Variants in AK9 observed in about 807,000 individuals in gnomAD.
AK9 encodes the protein adenylate kinase domain containing 1.
Under a neutral mutation model 239.6 loss-of-function variants are expected in AK9, and 191 were observed. The observed-to-expected ratio is 0.80, with a 90% confidence interval of 0.71 to 0.90. The LOEUF (loss-of-function observed/expected upper bound fraction) is 0.90. Ranked by LOEUF, AK9 falls within the 40% of genes least tolerant of loss-of-function variation. The probability of loss-of-function intolerance (pLI) is 0.00; values close to 1 mark genes in which losing one functional copy is unlikely to be tolerated. For missense variants in AK9, 1,995 were observed against 2,214.7 expected, an observed-to-expected ratio of 0.90 and a Z score of 1.99; for synonymous variants, 689 against 721.0, an observed-to-expected ratio of 0.96 and a Z score of 0.71.
intron 17 of AK9, among the ~76,000 whole-genome samples, chr6:109,607,544 C>A (rs529545760): frequency 6.6e-6 from 1 of 152,008 alleles, no homozygotes; most frequent in Non-Finnish European, 1.5e-5. Flanking sequence ...AGGTTATATG[C>A]AAATGTCATG....
chr6:109,590,987 AT>A (rs1163253412), intron 17 of AK9, among the ~76,000 whole-genome samples: 2 of 152,234 alleles, frequency 1.3e-5, no homozygotes, highest in African/African-American at 2.4e-5. Flanking sequence ...AAGAATGAAT[AT>A]TCTACAGGTG....
At chr6:109,497,719 T>C (rs888558889) in intron 37 of AK9, 77 bp downstream of exon 37, 8 of 1,510,936 alleles carry the variant, frequency 5.3e-6, no homozygotes, top group South Asian at 3.7e-5. Context: ...TTTTGACCAA[T>C]ATGTTAAGAT....
chr6:109,520,690 T>C (rs1779768143), intron 29 of AK9, among the ~76,000 whole-genome samples: 1 of 152,186 alleles, frequency 6.6e-6, no homozygotes, highest in South Asian at 2.1e-4. Context: ...AATTTGTAGA[T>C]TGAATAGTAT....
At chr6:109,651,077 G>A (rs149776144) in intron 8 of AK9, among the ~76,000 whole-genome samples, 2,207 of 152,030 alleles carry the variant, frequency 0.015, 23 homozygotes, top group Middle Eastern at 0.037. Context: ...ACCGGGGACT[G>A]TTGTGGGGTG....
At chr6:109,650,782 G>T (rs563482195) in intron 8 of AK9, among the ~76,000 whole-genome samples, 1 of 152,114 alleles carries the variant, frequency 6.6e-6, no homozygotes, top group Non-Finnish European at 1.5e-5. Flanking sequence ...ACATGCAAAC[G>T]TATGTTTATA....
chr6:109,516,346 A>T, intron 30 of AK9, 84 bp downstream of exon 30: 1 of 1,205,776 alleles, frequency 8.3e-7, no homozygotes, highest in Non-Finnish European at 1.2e-6. Flanking sequence ...TTAAATGTTT[A>T]AAGAAATGGC....
intron 32 of AK9, among the ~76,000 whole-genome samples, chr6:109,513,047 T>C (rs989783196): frequency 1.3e-5 from 2 of 152,142 alleles, no homozygotes; most frequent in African/African-American, 4.8e-5. Flanking sequence ...AATTTTTTTA[T>C]GGATATGAGG....
At chr6:109,564,345 C>G in intron 22 of AK9, 65 bp from the exon 23 acceptor site, 1 of 1,306,310 alleles carries the variant, frequency 7.7e-7, no homozygotes, top group Non-Finnish European at 1.0e-6. Flanking sequence ...AGCCATATTG[C>G]CAAAATAGCT....
chr6:109,542,166 T>C lies in AK9; in HGVS notation c.3231A>G (p.Pro1077=), dbSNP rs1306853372. The change falls in exon 27 of 41, where the codon CCA becomes CCG. Residue 1077 remains proline, a synonymous_variant. Transcript: ENST00000424296. ...CTTCTTCTTCTGTAAGTTGTACTTC[T>C]GGAAGCTAAAAACAAAAATCAGAAA... ...VEEENTKKQL[P]EVQLTEEEEV... 2 of 1,588,454 alleles carry C rather than the reference T, an allele frequency of 1.3e-6. No homozygotes were observed. Among genetic ancestry groups the C allele is most frequent in the Non-Finnish European group, 1.7e-6 (2 of 1,171,388 alleles).
At chr6:109,612,713 C>A (rs1405343895) in intron 15 of AK9, among the ~76,000 whole-genome samples, 1 of 151,924 alleles carries the variant, frequency 6.6e-6, no homozygotes, top group Admixed American at 6.6e-5. Context: ...GTGCCCTGTT[C>A]AATTCTTACT....
chr6:109,659,248 C>T lies in AK9; in HGVS notation c.610G>A (p.Glu204Lys). ...DGKGEEEEEE[E>K]EQEEEEAFIA... Reference sequence around the variant, plus strand: ...ATTACCTCTTCTTCTTCTTGCTCTTCTTCCTCTTCTTCCTCTTCTCCTTTT... The same window carrying T: ...ATTACCTCTTCTTCTTCTTGCTCTTTTTCCTCTTCTTCCTCTTCTCCTTTT... The change falls in exon 7 of 41, where the codon GAA (glutamate) becomes AAA (lysine). Residue 204 changes from glutamate to lysine, a missense_variant. Around this residue, in one of 5 missense-constraint regions of AK9, gnomAD observed 252 missense variants for 246.4 expected, o/e 1.02. Coordinates refer to ENST00000424296, the MANE Select transcript of AK9 (RefSeq NM_001145128.3). 6.3e-7 allele frequency: 1 copy of T among 1,580,348 alleles called. No individual in the cohort carries two copies. The highest frequency in any genetic ancestry group is 2.3e-5 in the East Asian group (1 of 44,122).
chr6:109,621,668 C>G (rs1333044317), intron 12 of AK9, among the ~76,000 whole-genome samples: 1 of 118,548 alleles, frequency 8.4e-6, no homozygotes, highest in Non-Finnish European at 1.7e-5. Flanking sequence ...CGCATATTCT[C>G]ACTCATAGGT....
intron 26 of AK9, among the ~76,000 whole-genome samples, chr6:109,542,995 T>C (rs1403706563): frequency 6.6e-6 from 1 of 152,202 alleles, no homozygotes; most frequent in African/African-American, 2.4e-5. Context: ...ATTTTTGTTA[T>C]TTATATTATA....
At chr6:109,648,098 A>G (rs1259063994) in intron 8 of AK9, among the ~76,000 whole-genome samples, 1 of 152,222 alleles carries the variant, frequency 6.6e-6, no homozygotes, top group Non-Finnish European at 1.5e-5. Flanking sequence ...CAGTGAGTAG[A>G]GGGAAATTTA....
chr6:109,587,117 A>T (rs1789605697), intron 17 of AK9, among the ~76,000 whole-genome samples: 1 of 152,070 alleles, frequency 6.6e-6, no homozygotes, highest in Non-Finnish European at 1.5e-5. Flanking sequence ...TTGCTTTTTG[A>T]ATTATTATCT....
At chr6:109,544,888 T>G (rs1283713282) in intron 26 of AK9, among the ~76,000 whole-genome samples, 1 of 152,186 alleles carries the variant, frequency 6.6e-6, no homozygotes, top group East Asian at 1.9e-4. Context: ...ATTGTCTAAG[T>G]CAGATATACC....
chr6:109,689,285 T>G (rs955249958), intron 1 of AK9, among the ~76,000 whole-genome samples: 9 of 152,306 alleles, frequency 5.9e-5, no homozygotes, highest in Admixed American at 5.2e-4. Flanking sequence ...GGAGGAAGAA[T>G]GGATACGAGT....
chr6:109,507,844 A>G (rs1047466577), intron 33 of AK9, among the ~76,000 whole-genome samples: 1 of 152,222 alleles, frequency 6.6e-6, no homozygotes, highest in Admixed American at 6.5e-5. Flanking sequence ...GCCTGTAACA[A>G]TAACTGAGTC....
At chr6:109,667,623 A>G (rs1391536325) in intron 5 of AK9, among the ~76,000 whole-genome samples, 2 of 148,884 alleles carry the variant, frequency 1.3e-5, no homozygotes, top group South Asian at 2.1e-4. Flanking sequence ...TCATTGTTCA[A>G]TTCCCACCTA....
Sources: allele counts gnomAD v4.1 joint callset (sites outside exome capture counted in the v4.1 genomes callset), GRCh38; gene constraint gnomAD v4.1.1; regional missense constraint gnomAD v4.1.1; transcripts MANE v1.5; gene names NCBI Gene and HGNC (gene_info 2026-07-23, HGNC 2026-07-21).